KLF12: variants seen among roughly 807,000 people sequenced by gnomAD.
KLF12 encodes the protein Krueppel-like factor 12.
Under a neutral mutation model 37.8 loss-of-function variants are expected in KLF12, and 9 were observed. That is an observed-to-expected ratio of 0.24 (90% CI 0.14 to 0.42). The LOEUF (loss-of-function observed/expected upper bound fraction) is 0.42. Ranked by LOEUF, KLF12 falls within the 10% of genes least tolerant of loss-of-function variation. KLF12 has a pLI of 1.00. For synonymous variants in KLF12, 208 were observed against 202.1 expected (o/e 1.03, Z -0.25); for missense variants, 411 against 516.0 (o/e 0.80, Z 1.97).
At chr13:73,735,711 G>A (rs1301055407) in intron 6 of KLF12, among the ~76,000 whole-genome samples, 1 of 152,192 alleles carries the variant, frequency 6.6e-6, no homozygotes, top group Non-Finnish European at 1.5e-5. Flanking sequence ...TCTTCATCAA[G>A]CACTTAGTAA....
chr13:74,141,197 C>T, the KLF12 span, among the ~76,000 whole-genome samples: 1 of 152,166 alleles, frequency 6.6e-6, no homozygotes, highest in African/African-American at 2.4e-5. Flanking sequence ...AATTCAGCAA[C>T]TTGCTATTTT....
intron 1 of KLF12, among the ~76,000 whole-genome samples, chr13:74,066,594 G>A (rs534539343): frequency 6.6e-6 from 1 of 152,280 alleles, no homozygotes; most frequent in East Asian, 1.9e-4. Context: ...GAAGGTTGAT[G>A]CTGCAGCAAG....
chr13:73,852,784 A>T (rs932190186), intron 3 of KLF12, among the ~76,000 whole-genome samples: 23 of 152,106 alleles, frequency 1.5e-4, no homozygotes, highest in Non-Finnish European at 3.2e-4. Context: ...CTCAAAGCAA[A>T]ACAAAACAAA....
rs200192991 is a variant in KLF12 at position 73,695,465 on chromosome 13, C to A, written c.*25G>T. 1.5e-4 allele frequency: 234 copies of A among 1,608,268 alleles called. 3 individuals carry two copies. Among genetic ancestry groups the A allele is most frequent in the South Asian group, 1.2e-3 (110 of 90,788 alleles). On this transcript the variant is annotated 3_prime_UTR_variant, in exon 8 of 8. Coordinates refer to ENST00000377669, the MANE Select transcript of KLF12 (RefSeq NM_007249.5). ...GTGCCGCTAAGAGATCCAGCTCTTA[C>A]GCTCAGCTGGACAGGTAGCATTCCT...
At chr13:74,055,979 A>G (rs1340524232) in intron 1 of KLF12, among the ~76,000 whole-genome samples, 2 of 152,214 alleles carry the variant, frequency 1.3e-5, no homozygotes, top group Non-Finnish European at 2.9e-5. Flanking sequence ...GAGCTGTGCC[A>G]ACACCTTCTG....
At chr13:74,154,233 C>CA in the KLF12 span, among the ~76,000 whole-genome samples, 114,914 of 148,480 alleles carry the variant, frequency 0.77, 45,814 homozygotes, top group East Asian at 0.9. Context: ...GACTCCATCT[C>CA]AAAAAAAAAA....
At chr13:74,285,152 A>G in the KLF12 span, among the ~76,000 whole-genome samples, 1 of 151,928 alleles carries the variant, frequency 6.6e-6, no homozygotes, top group Non-Finnish European at 1.5e-5. Context: ...CTTAAATAAG[A>G]TCAAATGCCT....
At chr13:74,276,796 C>T in the KLF12 span, among the ~76,000 whole-genome samples, 1 of 152,190 alleles carries the variant, frequency 6.6e-6, no homozygotes, top group Non-Finnish European at 1.5e-5. Flanking sequence ...CTTCTCCATA[C>T]TTGAACCTAG....
At chr13:73,937,874 T>C (rs1222006121) in intron 3 of KLF12, among the ~76,000 whole-genome samples, 4 of 152,126 alleles carry the variant, frequency 2.6e-5, no homozygotes, top group Non-Finnish European at 4.4e-5. Context: ...CTTCTTAAAA[T>C]AGGAGTTTTG....
intron 1 of KLF12, among the ~76,000 whole-genome samples, chr13:74,105,408 G>A (rs143883847): frequency 6.6e-6 from 1 of 151,848 alleles, no homozygotes; most frequent in Admixed American, 6.6e-5. Flanking sequence ...AAGGAAAATG[G>A]AAAATCAAAG....
intron 3 of KLF12, among the ~76,000 whole-genome samples, chr13:73,943,780 T>C (rs1476847333): frequency 6.6e-6 from 1 of 152,226 alleles, no homozygotes; most frequent in Non-Finnish European, 1.5e-5. Flanking sequence ...TTTAGGATAC[T>C]ATCCCTTCCA....
At chr13:73,715,972 T>C (rs568543916) in intron 6 of KLF12, among the ~76,000 whole-genome samples, 19 of 152,272 alleles carry the variant, frequency 1.2e-4, no homozygotes, top group African/African-American at 4.1e-4. Flanking sequence ...TGTGACAACA[T>C]AGAAACTCCT....
intron 1 of KLF12, among the ~76,000 whole-genome samples, chr13:74,099,112 C>T (rs1183041725): frequency 6.6e-6 from 1 of 152,058 alleles, no homozygotes; most frequent in African/African-American, 2.4e-5. Context: ...CTTTGGGAGG[C>T]CAAGGCAGGA....
chr13:73,708,314 C>T (rs541030724), intron 7 of KLF12, among the ~76,000 whole-genome samples: 1 of 152,118 alleles, frequency 6.6e-6, no homozygotes, highest in Non-Finnish European at 1.5e-5. Context: ...TATCAGAGAA[C>T]AGTATGTCAA....
chr13:74,172,710 G>T, the KLF12 span, among the ~76,000 whole-genome samples: 1 of 152,132 alleles, frequency 6.6e-6, no homozygotes, highest in Non-Finnish European at 1.5e-5. Context: ...AATGCATCAC[G>T]TGCCTTTCCC....
the KLF12 span, among the ~76,000 whole-genome samples, chr13:74,148,401 C>T: frequency 2.0e-5 from 2 of 97,734 alleles, no homozygotes; most frequent in Admixed American, 2.8e-4. Flanking sequence ...GCCAAAACTG[C>T]TCTTTTTTTT....
At chr13:74,175,202 C>T in the KLF12 span, among the ~76,000 whole-genome samples, 4 of 152,284 alleles carry the variant, frequency 2.6e-5, no homozygotes, top group Admixed American at 6.5e-5. Context: ...TTGGCTGAGC[C>T]TAGGTCTTGA....
At chr13:74,275,686 T>C in the KLF12 span, among the ~76,000 whole-genome samples, 16 of 151,786 alleles carry the variant, frequency 1.1e-4, no homozygotes, top group African/African-American at 2.9e-4. Context: ...TGGGTATTTT[T>C]GTTTGTATAT....
chr13:73,738,625 G>A (rs1003155516), intron 6 of KLF12, among the ~76,000 whole-genome samples: 1 of 152,114 alleles, frequency 6.6e-6, no homozygotes, highest in African/African-American at 2.4e-5. Context: ...AAATATGAGT[G>A]ACTATGGAGA....
Sources: allele counts gnomAD v4.1 joint callset (sites outside exome capture counted in the v4.1 genomes callset), GRCh38; gene constraint gnomAD v4.1.1; transcripts MANE v1.5; gene names NCBI Gene and HGNC (gene_info 2026-07-23, HGNC 2026-07-21).